The following ADGRV1 variants were observed in gnomAD, a reference collection of about 807,000 sequenced individuals.
ADGRV1 encodes the protein adhesion G protein-coupled receptor V1, also known as G-protein coupled receptor 98.
In ADGRV1, 359 loss-of-function variants were observed where a neutral mutation model predicts 596.2. The ratio of observed to expected loss-of-function variants is 0.60; its 90% CI spans 0.55 to 0.66. The LOEUF is 0.66. ADGRV1 is among the 30% of genes least tolerant of loss of function. ADGRV1 has a pLI of 0.00. For missense variants in ADGRV1, 7,274 were observed against 7,575.6 expected (o/e 0.96, Z 1.48); for synonymous variants, 2,681 against 2,679.2 (o/e 1.00, Z -0.02).
intron 1 of ADGRV1, among the ~76,000 whole-genome samples, chr5:90,586,842 A>G (rs1408387570): frequency 6.6e-6 from 1 of 152,088 alleles, no homozygotes; most frequent in Non-Finnish European, 1.5e-5. Context: ...TTCCTTGATT[A>G]TTTTACTAGG....
chr5:90,911,544 G>A (rs1232533932), intron 83 of ADGRV1, among the ~76,000 whole-genome samples: 1 of 152,216 alleles, frequency 6.6e-6, no homozygotes, highest in African/African-American at 2.4e-5. Context: ...TACCTGAAAG[G>A]AAAATAAAGT....
At chr5:90,606,032 A>G (rs1253714125) in intron 1 of ADGRV1, among the ~76,000 whole-genome samples, 1 of 152,214 alleles carries the variant, frequency 6.6e-6, no homozygotes, top group Non-Finnish European at 1.5e-5. Flanking sequence ...AATGGTAAAC[A>G]ATTGTTGATT....
intron 84 of ADGRV1, among the ~76,000 whole-genome samples, chr5:90,974,122 C>A (rs1779329674): frequency 6.6e-6 from 1 of 152,030 alleles, no homozygotes; most frequent in South Asian, 2.1e-4. Context: ...GAATAAAATA[C>A]CTAGGAATCC....
rs943260087 is a variant in ADGRV1, at chr5:90,642,894, G to A, written c.2406G>A (p.Arg802=). The A allele has an allele frequency of 1.9e-6, 3 of 1,611,302 alleles. No individual in the cohort carries two copies. Among genetic ancestry groups the A allele is most frequent in the African/African-American group, 1.3e-5 (1 of 74,944 alleles). ...TAGAGCTCCACATCATCCGATCAAGGGGGTCCCTTGTTAAGCAGTTTCTAC... is the reference window on the plus strand; with the variant it reads ...TAGAGCTCCACATCATCCGATCAAGAGGGTCCCTTGTTAAGCAGTTTCTAC... ...ESVELHIIRS[R]GSLVKQFLHY... The change falls in exon 13 of 90, where the codon AGG becomes AGA. Residue 802 remains arginine (R), a synonymous_variant. Coordinates refer to ENST00000405460, the MANE Select transcript of ADGRV1 (RefSeq NM_032119.4).
At chr5:90,675,489 A>G (rs773204397) in intron 24 of ADGRV1, 44 bp downstream of exon 24, 5 of 1,523,766 alleles carry the variant, frequency 3.3e-6, no homozygotes, top group Non-Finnish European at 4.5e-6. Flanking sequence ...CACTTGTAAA[A>G]CAGACATAAT....
At chr5:91,135,795 C>T (rs934256401) in intron 87 of ADGRV1, among the ~76,000 whole-genome samples, 1 of 152,158 alleles carries the variant, frequency 6.6e-6, no homozygotes, top group African/African-American at 2.4e-5. Flanking sequence ...GATGATGTGA[C>T]ATTAGGGTAG....
chr5:90,562,345 C>T (rs1316110699), intron 1 of ADGRV1, among the ~76,000 whole-genome samples: 1 of 152,124 alleles, frequency 6.6e-6, no homozygotes, highest in Non-Finnish European at 1.5e-5. Flanking sequence ...GCACAGGGAG[C>T]ATCTTTTGCA....
chr5:90,703,613 G>GTGAAGTTTAT lies in ADGRV1; in HGVS notation c.8156-50_8156-41dup, dbSNP rs201725709. On this transcript the variant is annotated intron_variant, in intron 34 of 89. Coordinates refer to ENST00000405460, the MANE Select transcript of ADGRV1 (RefSeq NM_032119.4). ...GATTTGGGTTTTGTTGAGTTCAAATGTGAAGTTTATTTTCCATTAAGTATT... is the reference window on the plus strand; with the variant it reads ...GATTTGGGTTTTGTTGAGTTCAAATGTGAAGTTTATTGAAGTTTATTTTCCATTAAGTATT... The GTGAAGTTTAT allele has an allele frequency of 4.2e-3, 5,847 of 1,395,632 alleles. 202 individuals are homozygous for GTGAAGTTTAT. In the African/African-American group the frequency reaches 0.074, roughly 18 times the overall value. The allele number at this position is 1,395,632 out of a possible 1,614,324, so 86.5% of individuals were successfully genotyped here.
chr5:90,982,256 C>A (rs1780137453), intron 84 of ADGRV1, among the ~76,000 whole-genome samples: 1 of 152,110 alleles, frequency 6.6e-6, no homozygotes, highest in African/African-American at 2.4e-5. Flanking sequence ...GAACTTAACT[C>A]TTTTCTGTAT....
At chr5:90,588,439 T>G (rs1759056844) in intron 1 of ADGRV1, among the ~76,000 whole-genome samples, 1 of 152,236 alleles carries the variant, frequency 6.6e-6, no homozygotes. Context: ...AGGAAATTTT[T>G]GGAAGTTAGG....
intron 85 of ADGRV1, among the ~76,000 whole-genome samples, chr5:91,032,821 T>A (rs1365468426): frequency 6.6e-6 from 1 of 152,206 alleles, no homozygotes; most frequent in Admixed American, 6.5e-5. Context: ...AATCATTTTT[T>A]GAGCCTTTTT....
At chr5:91,014,182 A>AGGTGTGT (rs1782988057) in intron 85 of ADGRV1, among the ~76,000 whole-genome samples, 2 of 151,430 alleles carry the variant, frequency 1.3e-5, no homozygotes, top group African/African-American at 2.4e-5. Flanking sequence ...ACACCCCTAG[A>AGGTGTGT]CATACAGCTA....
At position 90,840,801 on chromosome 5, in the gene ADGRV1, A is replaced by G. The variant is rs1765357237; in HGVS notation, c.16835A>G (p.Tyr5612Cys). 1 of 1,613,804 alleles carries G rather than the reference A, an allele frequency of 6.2e-7. No individual in the cohort carries two copies. Among genetic ancestry groups the G allele is most frequent in the Non-Finnish European group, 8.5e-7 (1 of 1,179,884 alleles). ...PKGGARIDKV[Y>C]GTANITLVSD... ...GGTGGTGCCAGAATTGATAAAGTGT[A>G]TGGGACTGCCAACATCACTCTTGTC... The change falls in exon 78 of 90, where the codon TAT becomes TGT. Residue 5612 changes from tyrosine to cysteine, a missense_variant. Transcript: ENST00000405460.
At chr5:90,793,471 T>G (rs1368022183) in intron 70 of ADGRV1, among the ~76,000 whole-genome samples, 4 of 152,166 alleles carry the variant, frequency 2.6e-5, no homozygotes, top group African/African-American at 9.7e-5. Flanking sequence ...AAGAGAAGAT[T>G]AGATATTGTA....
At position 90,653,237 on chromosome 5, in the gene ADGRV1, A is replaced by T; in HGVS notation, c.3663A>T (p.Leu1221=). 6.2e-7 allele frequency: 1 copy of T among 1,612,340 alleles called. No individual in the cohort carries two copies. The highest frequency in any genetic ancestry group is 1.1e-5 in the South Asian group (1 of 90,918). ...GATCCCCAGGTCCTGGGGGCCAGCT[A>T]GCAGAAACCAACCTCCAGGTGACAG... ...SGGSPGPGGQ[L]AETNLQVTVM... is the part of the protein sequence containing the mutation. Residue 1221 remains leucine, a synonymous_variant, in exon 20 of 90, where the codon CTA becomes CTT. Transcript: ENST00000405460.
At chr5:90,873,488 T>C (rs61076959) in intron 83 of ADGRV1, among the ~76,000 whole-genome samples, 2,870 of 152,188 alleles carry the variant, frequency 0.019, 88 homozygotes, top group African/African-American at 0.066. Context: ...AACTCCAGAG[T>C]GCACCTCTAA....
chr5:91,010,064 G>GT (rs1782600383), intron 85 of ADGRV1, among the ~76,000 whole-genome samples: 1 of 151,878 alleles, frequency 6.6e-6, no homozygotes, highest in Non-Finnish European at 1.5e-5. Context: ...CATTTCATTC[G>GT]TAAGAATTGG....
intron 67 of ADGRV1, among the ~76,000 whole-genome samples, chr5:90,784,552 G>C (rs1372668363): frequency 2.6e-5 from 4 of 152,150 alleles, no homozygotes; most frequent in African/African-American, 9.7e-5. Context: ...GATGCATTAG[G>C]AGAAAGAGGT....
intron 85 of ADGRV1, among the ~76,000 whole-genome samples, chr5:91,050,556 GT>G (rs2151305136): frequency 6.6e-6 from 1 of 152,166 alleles, no homozygotes; most frequent in African/African-American, 2.4e-5. Flanking sequence ...ACAGTTTTTT[GT>G]TTTTTAAAAA....
Sources: allele counts gnomAD v4.1 joint callset (sites outside exome capture counted in the v4.1 genomes callset), GRCh38; gene constraint gnomAD v4.1.1; transcripts MANE v1.5; gene names NCBI Gene and HGNC (gene_info 2026-07-23, HGNC 2026-07-21).